ERG: variants seen among roughly 807,000 people sequenced by gnomAD.
ERG encodes the protein ETS transcription factor ERG.
ERG carries 9 observed loss-of-function variants against 55.3 expected under a neutral mutation model. The ratio of observed to expected loss-of-function variants is 0.16; its 90% CI spans 0.10 to 0.28. The LOEUF (loss-of-function observed/expected upper bound fraction) is 0.28. ERG is among the 10% of genes least tolerant of loss of function. The pLI, the probability that ERG is intolerant of heterozygous loss-of-function variation, is 1.00. For missense variants in ERG, 434 were observed against 631.6 expected (o/e 0.69, Z 3.35); for synonymous variants, 223 against 237.3 (o/e 0.94, Z 0.55).
chr21:38,520,022 C>T (rs890368937), intron 2 of ERG, among the ~76,000 whole-genome samples: 25 of 129,178 alleles, frequency 1.9e-4, no homozygotes, highest in African/African-American at 7.5e-4. Flanking sequence ...CACACACATA[C>T]ACACACACAC....
At chr21:38,377,762 G>T (rs1370743053), downstream of ERG, among the ~76,000 whole-genome samples, 2 of 152,098 alleles carry the variant, frequency 1.3e-5, no homozygotes, top group African/African-American at 4.8e-5. Flanking sequence ...ACGACTTGGA[G>T]GTGGAAATTG....
chr21:38,502,940 T>C (rs370086404), upstream of ERG, among the ~76,000 whole-genome samples: 1 of 152,266 alleles, frequency 6.6e-6, no homozygotes, highest in South Asian at 2.1e-4. Flanking sequence ...TTGGCCAGGA[T>C]GGTCTCGATC....
At chr21:38,621,958 T>C (rs2060293145) in intron 1 of ERG, among the ~76,000 whole-genome samples, 1 of 152,082 alleles carries the variant, frequency 6.6e-6, no homozygotes, top group Non-Finnish European at 1.5e-5. Flanking sequence ...AGACAGAGGC[T>C]CTCTCGGATC....
At chr21:38,592,400 T>C (rs961068096) in intron 1 of ERG, among the ~76,000 whole-genome samples, 1 of 152,164 alleles carries the variant, frequency 6.6e-6, no homozygotes, top group Non-Finnish European at 1.5e-5. Context: ...AGCCAGCTGC[T>C]CTCCTAGGCG....
chr21:38,516,355 A>T (rs1446824240), intron 2 of ERG, among the ~76,000 whole-genome samples: 1 of 151,986 alleles, frequency 6.6e-6, no homozygotes, highest in African/African-American at 2.4e-5. Flanking sequence ...TCAAGAAGAA[A>T]ATCCCATTTA....
intron 2 of ERG, among the ~76,000 whole-genome samples, chr21:38,534,257 G>C: frequency 6.6e-6 from 1 of 151,908 alleles, no homozygotes; most frequent in Non-Finnish European, 1.5e-5. Context: ...TTACTGACAA[G>C]AAAAAAACAA....
intron 1 of ERG, among the ~76,000 whole-genome samples, chr21:38,597,333 T>C (rs1019522619): frequency 1.3e-5 from 2 of 152,206 alleles, no homozygotes. Context: ...TATACATCCA[T>C]ACATAGATAT....
intron 1 of ERG, among the ~76,000 whole-genome samples, chr21:38,633,340 TA>T (rs1338619500): frequency 6.6e-6 from 1 of 152,216 alleles, no homozygotes; most frequent in Non-Finnish European, 1.5e-5. Context: ...TACTGAACTC[TA>T]CACTTAAATA....
intron 3 of ERG, among the ~76,000 whole-genome samples, chr21:38,408,192 C>T (rs1234839567): frequency 6.6e-6 from 1 of 152,158 alleles, no homozygotes; most frequent in South Asian, 2.1e-4. Context: ...CCTGAGCACT[C>T]GCACCACTCT....
chr21:38,478,020 T>A (rs2059204826), intron 1 of ERG, among the ~76,000 whole-genome samples: 1 of 152,224 alleles, frequency 6.6e-6, no homozygotes, highest in Non-Finnish European at 1.5e-5. Context: ...TTGAACCCAG[T>A]TTCTCTTTTT....
Position 38,381,863 on chromosome 21 carries a change from G to A in ERG, c.*1540C>T, listed in dbSNP as rs1299662668. 5 of 1,063,730 alleles carry A rather than the reference G, an allele frequency of 4.7e-6. No homozygotes were observed. The highest frequency in any genetic ancestry group is 4.6e-6 in the Non-Finnish European group (4 of 878,354). 65.9% of individuals were successfully genotyped at this position (1,063,730 alleles called of 1,614,324 possible). A position where few individuals can be genotyped will look rare whatever the true frequency, so the allele number is the denominator to read the frequency against. On this transcript the variant is annotated 3_prime_UTR_variant, in exon 10 of 10. Coordinates refer to ENST00000288319, the MANE Select transcript of ERG (RefSeq NM_182918.4). ...GGAGGGGAGGCAAGAAGGACCTGGA[G>A]AGGCTGACGCCATTTGGGTGCCAAA...
At chr21:38,387,479 C>T (rs1360695672) in intron 9 of ERG, among the ~76,000 whole-genome samples, 1 of 152,172 alleles carries the variant, frequency 6.6e-6, no homozygotes, top group Admixed American at 6.5e-5. Context: ...CTGCCTCTGC[C>T]CTTTGTGGGA....
chr21:38,527,411 G>A (rs1261168495), intron 2 of ERG, among the ~76,000 whole-genome samples: 1 of 152,206 alleles, frequency 6.6e-6, no homozygotes, highest in African/African-American at 2.4e-5. Context: ...CCTGTGGTTG[G>A]TAACTTCCTG....
intron 2 of ERG, among the ~76,000 whole-genome samples, chr21:38,571,488 G>A (rs1226528017): frequency 6.6e-6 from 1 of 151,808 alleles, no homozygotes. Context: ...TCCAGCCTGG[G>A]CAACAGAGCA....
At chr21:38,394,844 A>C (rs1412975769) in intron 6 of ERG, among the ~76,000 whole-genome samples, 1 of 152,220 alleles carries the variant, frequency 6.6e-6, no homozygotes, top group Admixed American at 6.5e-5. Flanking sequence ...TACCCATGGC[A>C]TAAGTATGCT....
chr21:38,452,018 T>C (rs2058946085), intron 1 of ERG, among the ~76,000 whole-genome samples: 1 of 152,264 alleles, frequency 6.6e-6, no homozygotes, highest in Non-Finnish European at 1.5e-5. Context: ...TCTAGCTTTG[T>C]GTTCACGTTT....
At chr21:38,438,601 CT>C (rs1569099946) in intron 2 of ERG, among the ~76,000 whole-genome samples, 1 of 152,200 alleles carries the variant, frequency 6.6e-6, no homozygotes, top group Non-Finnish European at 1.5e-5. Context: ...TGCAATGAAT[CT>C]ATCCCAGAGA....
rs1001299180 is a variant in ERG at position 38,542,152 on chromosome 21, T to C, written c.-41+33510A>G. On this transcript the variant is annotated intron_variant, in intron 2 of 8. Transcript: ENST00000398897. ...TGGCCGTGCCACCATGCCCAGCTAATTTTTTTACATTTTTGGTAGAGATGA... is the reference window on the plus strand; with the variant it reads ...TGGCCGTGCCACCATGCCCAGCTAACTTTTTTACATTTTTGGTAGAGATGA... 5.3e-5 allele frequency among the ~76,000 whole-genome samples: 8 copies of C among 152,028 alleles called. 1 individual carries two copies. Among genetic ancestry groups the C allele is most frequent in the Admixed American group, 4.6e-4 (7 of 15,262 alleles).
At chr21:38,537,221 C>T (rs1484347597) in intron 2 of ERG, among the ~76,000 whole-genome samples, 1 of 151,988 alleles carries the variant, frequency 6.6e-6, no homozygotes, top group Non-Finnish European at 1.5e-5. Flanking sequence ...CTCTAAAATG[C>T]TTAGGGAATA....
Sources: allele counts gnomAD v4.1 joint callset (sites outside exome capture counted in the v4.1 genomes callset), GRCh38; gene constraint gnomAD v4.1.1; transcripts MANE v1.5; gene names NCBI Gene and HGNC (gene_info 2026-07-23, HGNC 2026-07-21).